The following GPM6A variants were observed in gnomAD, a reference collection of about 807,000 sequenced individuals.
GPM6A encodes neuronal membrane glycoprotein M6-a.
In GPM6A, 7 loss-of-function variants were observed where a neutral mutation model predicts 32.1. The observed-to-expected ratio is 0.22, with a 90% CI of 0.12 to 0.41. The LOEUF is 0.41. Among genes scored for constraint, GPM6A ranks in the 10% least tolerant of loss-of-function variants. The pLI is 1.00. For missense variants in GPM6A, 235 were observed against 347.2 expected, an observed-to-expected ratio of 0.68 and a Z score of 2.57; for synonymous variants, 130 against 123.4, an observed-to-expected ratio of 1.05 and a Z score of -0.35.
chr4:175,841,966 G>A (rs1287583383), intron 1 of GPM6A, among the ~76,000 whole-genome samples: 4 of 152,026 alleles, frequency 2.6e-5, no homozygotes. Context: ...AATATAGGGT[G>A]CTCCTTCATG....
In GPM6A at chr4:175,942,894, GT is replaced by G. The variant is rs901914542; in HGVS notation, c.-23+59414del. Reference sequence around the variant, plus strand: ...TTTGTACTATATGAAATTTAAAGTAGTTTTTTTTTCTAATTCTGTGAAGAAA... The same window carrying G: ...TTTGTACTATATGAAATTTAAAGTAGTTTTTTTTCTAATTCTGTGAAGAAA... On this transcript the variant is annotated intron_variant, in intron 1 of 7. Transcript: ENST00000280187. 3.8e-3 allele frequency among the ~76,000 whole-genome samples: 571 copies of G among 151,282 alleles called. 6 individuals carry two copies. Among genetic ancestry groups the G allele is most frequent in the African/African-American group, 0.013 (550 of 41,274 alleles).
At chr4:175,903,293 AAG>A (rs1738026644) in intron 1 of GPM6A, among the ~76,000 whole-genome samples, 1 of 152,214 alleles carries the variant, frequency 6.6e-6, no homozygotes. Context: ...TTGAAAAAAA[AAG>A]AATCAATGAG....
intron 1 of GPM6A, among the ~76,000 whole-genome samples, chr4:175,863,252 A>G (rs1040979050): frequency 6.6e-6 from 1 of 151,996 alleles, no homozygotes; most frequent in East Asian, 1.9e-4. Flanking sequence ...TCCATATCAT[A>G]CCCCGGCAGC....
chr4:175,823,494 G>A lies in GPM6A; in HGVS notation c.-22-11245C>T, dbSNP rs184238247. On this transcript the variant is annotated intron_variant, in intron 1 of 7. Transcript: ENST00000280187. ...AAAAAGACAGACAAGGGGGAGGGGTGTAAATACAACTTTATGCAAAACTAG... is the reference window on the plus strand; with the variant it reads ...AAAAAGACAGACAAGGGGGAGGGGTATAAATACAACTTTATGCAAAACTAG... 3.4e-3 allele frequency among the ~76,000 whole-genome samples: 514 copies of A among 152,306 alleles called. 2 individuals are homozygous for A. Among genetic ancestry groups the A allele is most frequent in the Non-Finnish European group, 4.4e-3 (302 of 68,020 alleles).
At chr4:175,692,080 C>T (rs760237436) in intron 2 of GPM6A, among the ~76,000 whole-genome samples, 1 of 152,208 alleles carries the variant, frequency 6.6e-6, no homozygotes, top group Non-Finnish European at 1.5e-5. Context: ...CCATTTCATA[C>T]TTGTGACCTC....
At chr4:175,820,504 T>TC (rs1370997888) in intron 1 of GPM6A, among the ~76,000 whole-genome samples, 2 of 141,948 alleles carry the variant, frequency 1.4e-5, no homozygotes, top group Non-Finnish European at 3.1e-5. Flanking sequence ...TTCTTTCTTT[T>TC]TTTTTTTTTT....
At chr4:175,957,359 C>G (rs764655482) in intron 1 of GPM6A, among the ~76,000 whole-genome samples, 1 of 152,170 alleles carries the variant, frequency 6.6e-6, no homozygotes, top group Non-Finnish European at 1.5e-5. Context: ...TTATTTTACA[C>G]TTTAATTGAA....
chr4:175,871,245 C>T (rs4690639), intron 1 of GPM6A, among the ~76,000 whole-genome samples: 1 of 151,746 alleles, frequency 6.6e-6, no homozygotes, highest in Non-Finnish European at 1.5e-5. Flanking sequence ...GAGGCAGACG[C>T]ATCACCTGAG....
chr4:175,998,405 T>C (rs1428790098), intron 1 of GPM6A, among the ~76,000 whole-genome samples: 1 of 152,188 alleles, frequency 6.6e-6, no homozygotes, highest in Non-Finnish European at 1.5e-5. Context: ...ACCCAGCTCG[T>C]CCTGCCTCTC....
chr4:175,863,274 T>C (rs1181068300), intron 1 of GPM6A, among the ~76,000 whole-genome samples: 1 of 152,154 alleles, frequency 6.6e-6, no homozygotes, highest in Non-Finnish European at 1.5e-5. Context: ...CGAGATCTCT[T>C]CTTTGACATT....
chr4:175,792,134 AT>A, intron 1 of GPM6A, among the ~76,000 whole-genome samples: 1 of 152,284 alleles, frequency 6.6e-6, no homozygotes, highest in South Asian at 2.1e-4. Context: ...ATAAAAATAT[AT>A]TTCAGTCTCT....
At chr4:175,820,847 C>T (rs913321327) in intron 1 of GPM6A, among the ~76,000 whole-genome samples, 1 of 152,192 alleles carries the variant, frequency 6.6e-6, no homozygotes, top group African/African-American at 2.4e-5. Context: ...TTATATGTCT[C>T]TTTTCGCAAC....
chr4:175,806,085 C>A (rs763250615), intron 1 of GPM6A: 4 of 152,150 alleles, frequency 2.6e-5, no homozygotes, highest in Non-Finnish European at 2.9e-5. Context: ...TGAAAGTAAG[C>A]CAGGCAGTCT....
At chr4:175,954,742 C>T (rs1315616148) in intron 1 of GPM6A, among the ~76,000 whole-genome samples, 1 of 152,208 alleles carries the variant, frequency 6.6e-6, no homozygotes, top group Non-Finnish European at 1.5e-5. Flanking sequence ...GGCCTCATAT[C>T]TGTCTTTTCC....
chr4:175,857,052 C>T (rs1032610360), intron 1 of GPM6A, among the ~76,000 whole-genome samples: 2 of 152,110 alleles, frequency 1.3e-5, no homozygotes, highest in African/African-American at 4.8e-5. Context: ...CTGTCTGTAT[C>T]AATACTTATG....
At chr4:175,702,429 C>T (rs747219985) in intron 1 of GPM6A, among the ~76,000 whole-genome samples, 9 of 152,150 alleles carry the variant, frequency 5.9e-5, no homozygotes, top group East Asian at 1.9e-4. Context: ...ATTCTTTTTA[C>T]GTAAGTGTGT....
At chr4:175,970,450 A>G (rs1740466480) in intron 1 of GPM6A, among the ~76,000 whole-genome samples, 2 of 152,208 alleles carry the variant, frequency 1.3e-5, no homozygotes, top group African/African-American at 4.8e-5. Context: ...AGACTTTGTA[A>G]TACGTTTGGT....
chr4:175,936,985 C>A (rs1026255917), intron 1 of GPM6A, among the ~76,000 whole-genome samples: 2 of 152,044 alleles, frequency 1.3e-5, no homozygotes, highest in African/African-American at 4.8e-5. Flanking sequence ...AAGATCACAT[C>A]AAAATTAAAA....
intron 1 of GPM6A, among the ~76,000 whole-genome samples, chr4:175,863,153 G>A (rs1736624463): frequency 6.6e-6 from 1 of 151,978 alleles, no homozygotes; most frequent in Non-Finnish European, 1.5e-5. Context: ...AAATGTGTAT[G>A]CATATATTAA....
Sources: gnomAD v4.1 joint callset for allele counts (sites outside exome capture counted in the v4.1 genomes callset) on GRCh38, gnomAD v4.1.1 for gene constraint, MANE v1.5 for transcripts, NCBI Gene and HGNC (gene_info 2026-07-23, HGNC 2026-07-21) for gene names.